The following WDR48 variants were observed in gnomAD, a reference collection of about 807,000 sequenced individuals.
WDR48 encodes WD repeat-containing protein 48.
Under a neutral mutation model 94.0 loss-of-function variants are expected in WDR48, and 22 were observed. The ratio of observed to expected loss-of-function variants is 0.23; its 90% CI spans 0.17 to 0.33. The LOEUF (loss-of-function observed/expected upper bound fraction) is 0.33. WDR48 is among the 10% of genes least tolerant of loss of function. WDR48 has a pLI of 1.00. For missense variants in WDR48, 541 were observed against 813.8 expected (o/e 0.66, Z 4.08); for synonymous variants, 278 against 280.5 (o/e 0.99, Z 0.09).
chr3:39,091,420 T>C, intron 16 of WDR48: 4 of 411,538 alleles, frequency 9.7e-6, no homozygotes, highest in Non-Finnish European at 1.3e-5. Context: ...TACAATTTCA[T>C]ATTACCTCTA....
In WDR48 at chr3:39,078,183, A is replaced by G; in HGVS notation, c.1019A>G (p.Asn340Ser). ...HNFRASGDYD[N>S]DCTNPITPLC... Reference sequence around the variant, plus strand: ...TTTAGAGCCTCTGGAGATTATGACAATGACTGTACAAATCCTATAACACCT... The same window carrying G: ...TTTAGAGCCTCTGGAGATTATGACAGTGACTGTACAAATCCTATAACACCT... Residue 340 changes from asparagine to serine, a missense_variant, in exon 10 of 19, where the codon AAT (asparagine) becomes AGT (serine). Around this residue, in one of 5 missense-constraint regions of WDR48, gnomAD observed 238 missense variants for 285.3 expected, o/e 0.83. Transcript: ENST00000302313. 6.2e-7 allele frequency: 1 copy of G among 1,612,642 alleles called. No individual in the cohort carries two copies. Among genetic ancestry groups the G allele is most frequent in the Non-Finnish European group, 8.5e-7 (1 of 1,179,506 alleles).
At chr3:39,058,306 A>G (rs528367046) in intron 1 of WDR48, among the ~76,000 whole-genome samples, 1 of 152,346 alleles carries the variant, frequency 6.6e-6, no homozygotes, top group African/African-American at 2.4e-5. Context: ...TGTTTTACAG[A>G]TGTGCGTGCT....
intron 15 of WDR48, 80 bp downstream of exon 15, chr3:39,088,313 C>A: frequency 1.5e-6 from 2 of 1,334,798 alleles, no homozygotes. Flanking sequence ...CTCAGTATTT[C>A]GATATTAGAA....
intron 5 of WDR48, among the ~76,000 whole-genome samples, chr3:39,068,531 G>A (rs1399253026): frequency 6.6e-6 from 1 of 152,074 alleles, no homozygotes; most frequent in Non-Finnish European, 1.5e-5. Context: ...TAAGCGGATA[G>A]CTTTTCAATG....
chr3:39,084,697 C>G lies in WDR48; in HGVS notation c.1334C>G (p.Ala445Gly), dbSNP rs2034715737. ...ESDCFAAWVS[A>G]KDAGFSSPDG... The stretch of plus-strand genomic sequence containing the variant: ...GATTGTTTTGCTGCCTGGGTTTCTG[C>G]AAAAGATGCTGGTTTCAGCAGCCCT... The change falls in exon 13 of 19, where the codon GCA (alanine) becomes GGA (glycine). Residue 445 changes from alanine (A) to glycine (G), a missense_variant. Physicochemically the swap from Ala to Gly is moderately conservative, Grantham distance 60. This residue lies in a region of WDR48 where 238 missense variants were observed against 285.3 expected (regional missense o/e 0.83). Transcript: ENST00000302313. 2 of 1,613,664 alleles carry G rather than the reference C, an allele frequency of 1.2e-6. No individual in the cohort carries two copies. The highest frequency in any genetic ancestry group is 1.3e-5 in the African/African-American group (1 of 74,888).
chr3:39,079,358 A>G (rs970432649), intron 10 of WDR48, among the ~76,000 whole-genome samples: 3 of 152,244 alleles, frequency 2.0e-5, no homozygotes, highest in Admixed American at 6.5e-5. Flanking sequence ...AAGTTAATGC[A>G]AAATGAGACT....
intron 2 of WDR48, among the ~76,000 whole-genome samples, chr3:39,065,556 C>CAA (rs34404622): frequency 2.1e-3 from 243 of 116,598 alleles, no homozygotes; most frequent in African/African-American, 7.0e-3. Flanking sequence ...TTTAACAAGG[C>CAA]AAAAAAAAAA....
At chr3:39,065,750 A>T in intron 2 of WDR48, 61 bp from the exon 3 acceptor site, 1 of 1,263,068 alleles carries the variant, frequency 7.9e-7, no homozygotes, top group Non-Finnish European at 1.1e-6. Context: ...AACCATATCT[A>T]TCATTTGTAA....
chr3:39,065,955 T>C, intron 3 of WDR48, 66 bp downstream of exon 3: 1 of 1,196,732 alleles, frequency 8.4e-7, no homozygotes, highest in Non-Finnish European at 1.2e-6. Context: ...TAAGCTTTTT[T>C]ATTGAAACAT....
Position 39,068,754 on chromosome 3 carries a change from C to G in WDR48, c.482-17C>G. ...CTGATGATCTTGTTAACATTTAGCT[C>G]CGTTTATCCTCAATAGCTTCTTCTT... On this transcript the variant is annotated splice_polypyrimidine_tract_variant and intron_variant, in intron 5 of 18. Coordinates refer to ENST00000302313, the MANE Select transcript of WDR48 (RefSeq NM_020839.4). The G allele has an allele frequency of 6.3e-7, 1 of 1,586,896 alleles. No homozygotes were observed.
At chr3:39,063,292 G>T in intron 2 of WDR48, 102 bp downstream of exon 2, 2 of 1,443,466 alleles carry the variant, frequency 1.4e-6, no homozygotes. Flanking sequence ...CTCTCTGAAT[G>T]CTGAGTTATT....
intron 16 of WDR48, chr3:39,091,197 A>G (rs1481230894): frequency 6.5e-6 from 1 of 153,308 alleles, no homozygotes; most frequent in Non-Finnish European, 1.5e-5. Context: ...TGGCCTTTTC[A>G]GTTGGATGAT....
In WDR48 at chr3:39,065,707, C is replaced by CTAGAGCAG. The variant is rs1448012684; in HGVS notation, c.190-101_190-94dup. 5 of 774,718 alleles carry CTAGAGCAG rather than the reference C, an allele frequency of 6.5e-6. No individual in the cohort carries two copies. The African/African-American group carries it at 9.2e-5, about 14-fold the overall frequency. The allele number at this position is 774,718 out of a possible 1,614,324, so 48.0% of individuals were successfully genotyped here. A position where few individuals can be genotyped will look rare whatever the true frequency, so the allele number is the denominator to read the frequency against. The stretch of plus-strand genomic sequence containing the variant: ...AGAATTCAGGTGTTAGTTTTAATGC[C>CTAGAGCAG]TAGAGCAGTATGTCACATTAATTGA... On this transcript the variant is annotated intron_variant, in intron 2 of 18. Transcript: ENST00000302313.
chr3:39,083,026 T>G (rs1218523908), intron 11 of WDR48, among the ~76,000 whole-genome samples: 2 of 152,192 alleles, frequency 1.3e-5, no homozygotes, highest in Admixed American at 6.5e-5. Flanking sequence ...CAGTGGCAGC[T>G]CCAGAACTAA....
At chr3:39,052,293 T>G in intron 1 of WDR48, 1 of 551,772 alleles carries the variant, frequency 1.8e-6, no homozygotes, top group South Asian at 2.2e-5. Context: ...GGGACCCTCG[T>G]GGGCGGCATT....
At chr3:39,067,223 G>A (rs1322608867) in intron 5 of WDR48, among the ~76,000 whole-genome samples, 6 of 152,178 alleles carry the variant, frequency 3.9e-5, no homozygotes, top group Non-Finnish European at 7.3e-5. Flanking sequence ...CACTCAGCAG[G>A]TATTATTGAA....
chr3:39,080,015 C>G lies in WDR48; in HGVS notation c.1173+207C>G, dbSNP rs1022503571. Among the ~76,000 whole-genome samples, 3 of 151,800 alleles carry G rather than the reference C, an allele frequency of 2.0e-5. No homozygotes were observed. The South Asian group carries it at 6.2e-4, about 31-fold the overall frequency. On this transcript the variant is annotated intron_variant, in intron 11 of 18. Transcript: ENST00000302313. ...AACTGTTTAAATGGAATCATTTTCT[C>G]TGGTTAGTGTATTGCAGACAATCTT...
chr3:39,053,783 A>T (rs889968916), intron 1 of WDR48, among the ~76,000 whole-genome samples: 1 of 152,210 alleles, frequency 6.6e-6, no homozygotes, highest in African/African-American at 2.4e-5. Flanking sequence ...CTAGTATGGG[A>T]TGGAGAAAAT....
intron 13 of WDR48, 79 bp from the exon 14 acceptor site, chr3:39,085,436 C>G (rs551287729): frequency 8.8e-7 from 1 of 1,138,526 alleles, no homozygotes; most frequent in Non-Finnish European, 1.3e-6. Context: ...TACAAACTTA[C>G]AATTTTTATT....
Sources: allele counts gnomAD v4.1 joint callset (sites outside exome capture counted in the v4.1 genomes callset), GRCh38; gene constraint gnomAD v4.1.1; regional missense constraint gnomAD v4.1.1; transcripts MANE v1.5; gene names NCBI Gene and HGNC (gene_info 2026-07-23, HGNC 2026-07-21).